ARHGAP15: variants seen among roughly 807,000 people sequenced by gnomAD.
The protein encoded by ARHGAP15 is Rho GTPase activating protein 15.
Under a neutral mutation model 63.7 loss-of-function variants are expected in ARHGAP15, and 51 were observed. The observed-to-expected ratio is 0.80, with a 90% confidence interval of 0.64 to 1.01. The LOEUF (loss-of-function observed/expected upper bound fraction) is 1.01. Among genes scored for constraint, ARHGAP15 ranks in the 50% least tolerant of loss-of-function variants. The pLI, the probability that ARHGAP15 is intolerant of heterozygous loss-of-function variation, is 0.00. For missense variants in ARHGAP15, 560 were observed against 564.6 expected (o/e 0.99, Z 0.08); for synonymous variants, 191 against 193.8 (o/e 0.99, Z 0.12).
chr2:143,652,826 G>A (rs1681241150), intron 12 of ARHGAP15, among the ~76,000 whole-genome samples: 1 of 152,032 alleles, frequency 6.6e-6, no homozygotes, highest in Admixed American at 6.6e-5. Flanking sequence ...AGCATCAGAT[G>A]TTCTACATAG....
intron 8 of ARHGAP15, among the ~76,000 whole-genome samples, chr2:143,440,315 A>G (rs772485812): frequency 6.6e-6 from 1 of 152,170 alleles, no homozygotes; most frequent in Non-Finnish European, 1.5e-5. Context: ...ACCCAAACTT[A>G]GGTTTCTTAA....
At chr2:143,136,233 C>T (rs1275898636) in intron 1 of ARHGAP15, among the ~76,000 whole-genome samples, 1 of 152,080 alleles carries the variant, frequency 6.6e-6, no homozygotes, top group African/African-American at 2.4e-5. Flanking sequence ...AAAATATAAA[C>T]TTACTTTTCA....
At chr2:143,632,561 A>T (rs1484415390) in intron 12 of ARHGAP15, among the ~76,000 whole-genome samples, 2 of 152,114 alleles carry the variant, frequency 1.3e-5, no homozygotes, top group East Asian at 3.9e-4. Context: ...CATAAGATCA[A>T]CTGAGCACCA....
At chr2:143,251,846 G>T (rs1045421770) in intron 6 of ARHGAP15, among the ~76,000 whole-genome samples, 2 of 151,998 alleles carry the variant, frequency 1.3e-5, no homozygotes, top group Non-Finnish European at 2.9e-5. Context: ...TCAAGAAGGA[G>T]AAATAAACTT....
intron 6 of ARHGAP15, among the ~76,000 whole-genome samples, chr2:143,376,365 T>C (rs1686806780): frequency 6.6e-6 from 1 of 152,142 alleles, no homozygotes; most frequent in South Asian, 2.1e-4. Flanking sequence ...TCAATGAAAA[T>C]ATTTCCTGAA....
intron 6 of ARHGAP15, among the ~76,000 whole-genome samples, chr2:143,300,745 T>C (rs1035620491): frequency 5.3e-5 from 8 of 152,018 alleles, no homozygotes; most frequent in African/African-American, 9.7e-5. Context: ...TTCCAATGAT[T>C]AGAACATAAA....
At chr2:143,478,379 C>A (rs1184284290) in intron 8 of ARHGAP15, among the ~76,000 whole-genome samples, 1 of 152,092 alleles carries the variant, frequency 6.6e-6, no homozygotes, top group Admixed American at 6.5e-5. Flanking sequence ...CATGGTAAAG[C>A]AGATGATTTA....
chr2:143,217,482 T>G (rs1692800416), intron 4 of ARHGAP15, among the ~76,000 whole-genome samples: 1 of 152,176 alleles, frequency 6.6e-6, no homozygotes, highest in South Asian at 2.1e-4. Flanking sequence ...CCTGGACTGT[T>G]TTTCTGGAGT....
In ARHGAP15 at chr2:143,153,868, TC is replaced by T. The variant is rs1473254583; in HGVS notation, c.-14-1607del. On this transcript the variant is annotated intron_variant, in intron 1 of 13. Coordinates refer to ENST00000295095, the MANE Select transcript of ARHGAP15 (RefSeq NM_018460.4). ...TTCCTCCTCCTCCTCCTCCTCCTCC[TC>T]CTCTTCCTCCTCCTCCTCCTCCTCC... Among the ~76,000 whole-genome samples the T allele has an allele frequency of 3.9e-3, 323 of 83,584 alleles. 7 individuals are homozygous for T. Among genetic ancestry groups the T allele is most frequent in the African/African-American group, 9.2e-3 (273 of 29,582 alleles). The allele number at this position is 83,584 out of a possible 152,430, so 54.8% of individuals were successfully genotyped here. A position where few individuals can be genotyped will look rare whatever the true frequency, so the allele number is the denominator to read the frequency against.
At chr2:143,204,951 A>G (rs1692269454) in intron 3 of ARHGAP15, among the ~76,000 whole-genome samples, 1 of 151,740 alleles carries the variant, frequency 6.6e-6, no homozygotes, top group Non-Finnish European at 1.5e-5. Flanking sequence ...AAAAAAAATG[A>G]AACAAAAACA....
intron 11 of ARHGAP15, chr2:143,587,595 G>T: frequency 2.8e-6 from 1 of 362,998 alleles, no homozygotes; most frequent in Non-Finnish European, 5.7e-6. Context: ...AATATATTAT[G>T]TTTCCTGAAT....
At chr2:143,444,532 T>C (rs1347221886) in intron 8 of ARHGAP15, among the ~76,000 whole-genome samples, 1 of 152,240 alleles carries the variant, frequency 6.6e-6, no homozygotes, top group Non-Finnish European at 1.5e-5. Context: ...ATCACCTCTT[T>C]CTGTATACAG....
At chr2:143,322,424 G>A (rs113859790) in intron 6 of ARHGAP15, among the ~76,000 whole-genome samples, 4 of 152,144 alleles carry the variant, frequency 2.6e-5, no homozygotes, top group African/African-American at 7.2e-5. Context: ...AGAGCCCACC[G>A]TAAGTAGCTT....
intron 13 of ARHGAP15, among the ~76,000 whole-genome samples, chr2:143,734,165 T>A (rs1685656412): frequency 6.6e-6 from 1 of 152,150 alleles, no homozygotes; most frequent in African/African-American, 2.4e-5. Flanking sequence ...CCTTTTCTCA[T>A]CAGAGATAGC....
chr2:143,440,328 C>T (rs1447166685), intron 8 of ARHGAP15, among the ~76,000 whole-genome samples: 1 of 152,178 alleles, frequency 6.6e-6, no homozygotes, highest in Non-Finnish European at 1.5e-5. Context: ...TTTCTTAAAA[C>T]TTGCATTCGC....
At chr2:143,181,033 G>T (rs1691216642) in intron 2 of ARHGAP15, among the ~76,000 whole-genome samples, 1 of 152,184 alleles carries the variant, frequency 6.6e-6, no homozygotes, top group Non-Finnish European at 1.5e-5. Context: ...TCCATGAGCT[G>T]CAGAATGGAT....
At chr2:143,316,174 GAA>G (rs1174148662) in intron 6 of ARHGAP15, among the ~76,000 whole-genome samples, 1 of 152,062 alleles carries the variant, frequency 6.6e-6, no homozygotes, top group Non-Finnish European at 1.5e-5. Flanking sequence ...CATTATTTAA[GAA>G]AATCAGACTT....
chr2:143,674,424 AAATT>A (rs762937712), intron 12 of ARHGAP15, among the ~76,000 whole-genome samples: 2 of 152,218 alleles, frequency 1.3e-5, no homozygotes, highest in Non-Finnish European at 2.9e-5. Context: ...AGAATAAGTG[AAATT>A]AATCTATGAC....
chr2:143,681,322 T>C (rs1377073390), intron 12 of ARHGAP15, among the ~76,000 whole-genome samples: 1 of 152,178 alleles, frequency 6.6e-6, no homozygotes, highest in Non-Finnish European at 1.5e-5. Context: ...TGGGCCTTTA[T>C]GTTAATTTAG....
Sources: allele counts gnomAD v4.1 joint callset (sites outside exome capture counted in the v4.1 genomes callset), GRCh38; gene constraint gnomAD v4.1.1; transcripts MANE v1.5; gene names NCBI Gene and HGNC (gene_info 2026-07-23, HGNC 2026-07-21).